Variants in DENND2C observed in about 807,000 individuals in gnomAD.
The protein encoded by DENND2C is DENN domain containing 2C.
In DENND2C, 72 loss-of-function variants were observed where a neutral mutation model predicts 112.4. The ratio of observed to expected loss-of-function variants is 0.64; its 90% CI spans 0.53 to 0.78. The LOEUF (loss-of-function observed/expected upper bound fraction) is 0.78. Ranked by LOEUF, DENND2C falls within the 30% of genes least tolerant of loss-of-function variation. The pLI is 0.00. For missense variants in DENND2C, 992 were observed against 1,113.8 expected, an observed-to-expected ratio of 0.89 and a Z score of 1.56; for synonymous variants, 329 against 381.6, an observed-to-expected ratio of 0.86 and a Z score of 1.61.
chr1:114,587,188 C>T (rs1655061494), intron 20 of DENND2C, 199 bp downstream of exon 20: 3 of 601,376 alleles, frequency 5.0e-6, no homozygotes, highest in Non-Finnish European at 8.9e-6. Flanking sequence ...AGGCATAAGC[C>T]ACCATGCCCA....
At chr1:114,642,197 C>T (rs541325011) in intron 3 of DENND2C, among the ~76,000 whole-genome samples, 7 of 152,198 alleles carry the variant, frequency 4.6e-5, no homozygotes, top group East Asian at 1.9e-4. Flanking sequence ...GTGATCCGTC[C>T]GCCTCGGCCT....
In DENND2C at chr1:114,600,971, A is replaced by G; in HGVS notation, c.1816-11T>C. 3 of 1,608,504 alleles carry G rather than the reference A, an allele frequency of 1.9e-6. No homozygotes were observed. Among genetic ancestry groups the G allele is most frequent in the Non-Finnish European group, 2.5e-6 (3 of 1,177,432 alleles). On this transcript the variant is annotated splice_polypyrimidine_tract_variant and intron_variant, in intron 13 of 20. Transcript: ENST00000393274. ...TACTTCATCCAGAATCTATATACGC[A>G]AAGTGTTATTTTATTATGGACTAAG...
intron 20 of DENND2C, 121 bp from the exon 21 acceptor site, chr1:114,585,752 A>G (rs963685709): frequency 2.5e-5 from 24 of 976,738 alleles, no homozygotes; most frequent in Non-Finnish European, 3.8e-5. Context: ...TGACATCTCA[A>G]ACTCAGTTGA....
intron 14 of DENND2C, 36 bp downstream of exon 14, chr1:114,600,784 A>G (rs1466235103): frequency 6.3e-7 from 1 of 1,596,418 alleles, no homozygotes; most frequent in South Asian, 1.1e-5. Flanking sequence ...CCTGCTTTTT[A>G]GTGCTATCAA....
intron 3 of DENND2C, among the ~76,000 whole-genome samples, chr1:114,629,003 T>C (rs1474284341): frequency 2.0e-5 from 3 of 152,366 alleles, no homozygotes; most frequent in Non-Finnish European, 1.5e-5. Flanking sequence ...TAGAGACTGC[T>C]TTCTCAAGCT....
chr1:114,591,358 G>A (rs1187775864), intron 18 of DENND2C, among the ~76,000 whole-genome samples: 1 of 152,194 alleles, frequency 6.6e-6, no homozygotes. Flanking sequence ...AAATGATGTA[G>A]TGAGGTTGCA....
In DENND2C at chr1:114,598,484, A is replaced by AT. The variant is rs1333515489; in HGVS notation, c.2283+789_2283+790insA. Reference sequence around the variant, plus strand: ...ACTATAAAGCAAAAACAAGTAAATGAATACCATAAAAGTCAAGATAATGAG... The same window carrying AT: ...ACTATAAAGCAAAAACAAGTAAATGATATACCATAAAAGTCAAGATAATGAG... On this transcript the variant is annotated intron_variant, in intron 16 of 20. Transcript: ENST00000393274. Among the ~76,000 whole-genome samples the AT allele has an allele frequency of 1.3e-4, 20 of 152,174 alleles. No individual in the cohort carries two copies. In the Middle Eastern group the frequency reaches 0.01, roughly 78 times the overall value.
chr1:114,668,129 C>G (rs1283506466), intron 1 of DENND2C, among the ~76,000 whole-genome samples: 1 of 151,944 alleles, frequency 6.6e-6, no homozygotes, highest in Non-Finnish European at 1.5e-5. Flanking sequence ...GTGTAGTAGG[C>G]CCTCAAAAAA....
intron 1 of DENND2C, among the ~76,000 whole-genome samples, chr1:114,666,492 T>G (rs1482995116): frequency 6.6e-6 from 1 of 152,230 alleles, no homozygotes; most frequent in East Asian, 1.9e-4. Flanking sequence ...AGTCTCACTC[T>G]GTTGCCAGGC....
intron 18 of DENND2C, among the ~76,000 whole-genome samples, chr1:114,592,032 G>A (rs959696312): frequency 2.6e-5 from 4 of 151,986 alleles, no homozygotes; most frequent in Non-Finnish European, 5.9e-5. Context: ...TTACAGGCGC[G>A]TACCACCACA....
At chr1:114,627,983 G>C (rs1235483401) in intron 3 of DENND2C, among the ~76,000 whole-genome samples, 1 of 151,812 alleles carries the variant, frequency 6.6e-6, no homozygotes, top group African/African-American at 2.4e-5. Context: ...AAAATTGTCA[G>C]GGCTAAAAAA....
intron 3 of DENND2C, among the ~76,000 whole-genome samples, chr1:114,629,262 C>T (rs1353853336): frequency 6.6e-6 from 1 of 152,148 alleles, no homozygotes; most frequent in African/African-American, 2.4e-5. Flanking sequence ...GAAGTATAAA[C>T]ATAAAAACTC....
At chr1:114,665,743 T>C (rs988485293) in intron 1 of DENND2C, among the ~76,000 whole-genome samples, 60 of 152,226 alleles carry the variant, frequency 3.9e-4, no homozygotes, top group African/African-American at 1.4e-3. Flanking sequence ...ATCCATTTCA[T>C]TGCTTTATAA....
intron 18 of DENND2C, 27 bp from the exon 19 acceptor site, chr1:114,587,979 GA>G (rs772151411): frequency 1.3e-6 from 2 of 1,587,922 alleles, no homozygotes; most frequent in African/African-American, 1.4e-5. Context: ...AAGAAAAAAA[GA>G]AAAAAATCTC....
chr1:114,618,324 T>C (rs951223587), intron 8 of DENND2C, 62 bp downstream of exon 8: 4 of 1,240,556 alleles, frequency 3.2e-6, no homozygotes, highest in African/African-American at 3.1e-5. Flanking sequence ...TTAAGTTATA[T>C]GGTGATTCTC....
intron 20 of DENND2C, chr1:114,586,622 T>C (rs2101636637): frequency 2.6e-5 from 4 of 152,250 alleles, no homozygotes; most frequent in South Asian, 4.1e-4. Context: ...TAAGGCTATA[T>C]TGCTGATCTG....
rs768905170 is a variant in DENND2C, at chr1:114,604,971, AT to A, written c.1617del (p.Lys539AsnfsTer25). The A allele has an allele frequency of 6.2e-6, 10 of 1,613,698 alleles. No homozygotes were observed. The African/African-American group carries it at 1.3e-4, about 22-fold the overall frequency. On this transcript the variant is annotated frameshift_variant, in exon 11 of 21. Transcript: ENST00000393274. LOFTEE classifies it high-confidence loss of function. ...CAGTCCTTTGAATCAGGAAAACAAA[AT>A]TTTGGAATAACTTTAAGTCTCTCTT... ...DMEERLKVIP[K>X]FCFPDSKDWM...
In DENND2C at chr1:114,626,156, T is replaced by C. The variant is rs1656336676; in HGVS notation, c.-172A>G. 1.6e-6 allele frequency: 1 copy of C among 617,470 alleles called. No individual in the cohort carries two copies. The highest frequency in any genetic ancestry group is 2.7e-6 in the Non-Finnish European group (1 of 372,306). The allele number at this position is 617,470 out of a possible 1,614,324, so 38.2% of individuals were successfully genotyped here. On this transcript the variant is annotated 5_prime_UTR_variant, in exon 4 of 21. Transcript: ENST00000393274. ...AGAAAATTTTGATCAGTGATCCTTG[T>C]TGAAAATGGCTACAACCTGATCTTG...
intron 15 of DENND2C, among the ~76,000 whole-genome samples, 160 bp downstream of exon 15, chr1:114,600,044 C>T (rs1655452944): frequency 6.6e-6 from 1 of 152,002 alleles, no homozygotes; most frequent in Admixed American, 6.6e-5. Flanking sequence ...GTGCAGCACA[C>T]CAACATGGCA....
Sources: allele counts gnomAD v4.1 joint callset (sites outside exome capture counted in the v4.1 genomes callset), GRCh38; gene constraint gnomAD v4.1.1; transcripts MANE v1.5; gene names NCBI Gene and HGNC (gene_info 2026-07-23, HGNC 2026-07-21).